Variants in RARB observed in about 807,000 individuals in gnomAD.
RARB encodes the protein HBV-activated protein.
In RARB, 17 loss-of-function variants were observed where a neutral mutation model predicts 51.9. The observed-to-expected ratio is 0.33, with a 90% CI of 0.22 to 0.49. The LOEUF is 0.49. Ranked by LOEUF, RARB falls within the 20% of genes least tolerant of loss-of-function variation. RARB has a pLI of 0.99. For synonymous variants in RARB, 215 were observed against 195.4 expected (o/e 1.10, Z -0.84); for missense variants, 369 against 550.8 (o/e 0.67, Z 3.30).
chr3:25,493,289 A>C (rs969220618), intron 2 of RARB, among the ~76,000 whole-genome samples: 1 of 152,102 alleles, frequency 6.6e-6, no homozygotes, highest in African/African-American at 2.4e-5. Context: ...AAATTTTGCT[A>C]TGAATAACTT....
chr3:25,306,502 T>TAA (rs879672866), intron 5 of RARB, among the ~76,000 whole-genome samples: 2 of 142,702 alleles, frequency 1.4e-5, no homozygotes, highest in East Asian at 2.0e-4. Context: ...ATTCATTCTT[T>TAA]AAAAAAAAAA....
intron 5 of RARB, among the ~76,000 whole-genome samples, chr3:25,588,491 A>G (rs960567791): frequency 2.6e-5 from 4 of 152,198 alleles, no homozygotes; most frequent in Non-Finnish European, 5.9e-5. Context: ...AGCTCCAGGC[A>G]TGTGTGCTAT....
chr3:25,447,601 A>C (rs1293857442), intron 1 of RARB, among the ~76,000 whole-genome samples: 3 of 152,164 alleles, frequency 2.0e-5, no homozygotes, highest in Non-Finnish European at 4.4e-5. Flanking sequence ...TTGGGTTTTG[A>C]ACAGCAATTG....
intron 1 of RARB, among the ~76,000 whole-genome samples, chr3:24,846,299 A>T (rs181049018): frequency 7.2e-5 from 11 of 152,352 alleles, no homozygotes; most frequent in African/African-American, 2.6e-4. Context: ...ATTAAATAAG[A>T]TAAGGAATGT....
At chr3:25,362,329 G>A (rs760207179) in intron 5 of RARB, among the ~76,000 whole-genome samples, 34 of 152,220 alleles carry the variant, frequency 2.2e-4, no homozygotes, top group South Asian at 8.3e-4. Context: ...AATGGTGGAC[G>A]CCCCTCCCCC....
intron 3 of RARB, among the ~76,000 whole-genome samples, chr3:25,120,343 C>T (rs1699762720): frequency 6.6e-6 from 1 of 152,084 alleles, no homozygotes; most frequent in South Asian, 2.1e-4. Flanking sequence ...GATCCAGTGA[C>T]TTGTTACCAT....
At chr3:25,247,802 T>C (rs566173851) in intron 5 of RARB, among the ~76,000 whole-genome samples, 1 of 152,262 alleles carries the variant, frequency 6.6e-6, no homozygotes, top group South Asian at 2.1e-4. Context: ...TGTCTTAACA[T>C]ATCTATTCTG....
chr3:25,096,728 A>T (rs926259988), intron 3 of RARB, among the ~76,000 whole-genome samples: 6 of 152,068 alleles, frequency 3.9e-5, no homozygotes, highest in African/African-American at 1.4e-4. Context: ...CTAGTATCTC[A>T]AGATGATTAA....
At chr3:25,588,410 TG>T (rs1470298594) in intron 5 of RARB, among the ~76,000 whole-genome samples, 1 of 152,208 alleles carries the variant, frequency 6.6e-6, no homozygotes, top group Non-Finnish European at 1.5e-5. Flanking sequence ...ATTCATATCT[TG>T]ATCTAGGTAG....
At chr3:25,237,570 A>G (rs1443730249) in intron 5 of RARB, among the ~76,000 whole-genome samples, 1 of 152,186 alleles carries the variant, frequency 6.6e-6, no homozygotes, top group Non-Finnish European at 1.5e-5. Context: ...CTTTCTGAAA[A>G]TAACAGCTTT....
chr3:25,109,808 A>C (rs1325004753), intron 3 of RARB, among the ~76,000 whole-genome samples: 1 of 152,164 alleles, frequency 6.6e-6, no homozygotes, highest in African/African-American at 2.4e-5. Context: ...ATTCCAAGTT[A>C]GAATTTTTCC....
chr3:24,971,772 A>C (rs1206244321), intron 2 of RARB, among the ~76,000 whole-genome samples: 3 of 152,008 alleles, frequency 2.0e-5, no homozygotes, highest in African/African-American at 7.2e-5. Context: ...TTGGTGTATA[A>C]AATACAAAAT....
intron 3 of RARB, among the ~76,000 whole-genome samples, chr3:25,501,564 C>CTA (rs1697317652): frequency 6.6e-6 from 1 of 152,176 alleles, no homozygotes. Context: ...AAAGCAGTGG[C>CTA]TAACTCACTG....
intron 5 of RARB, among the ~76,000 whole-genome samples, chr3:25,330,776 G>A (rs139672375): frequency 0.031 from 4,694 of 152,192 alleles, 155 homozygotes; most frequent in East Asian, 0.094. Context: ...CCCATCTCAC[G>A]TGCAGAGACA....
intron 5 of RARB, among the ~76,000 whole-genome samples, chr3:25,279,386 G>T (rs1459938247): frequency 1.3e-5 from 2 of 152,126 alleles, no homozygotes; most frequent in Non-Finnish European, 2.9e-5. Flanking sequence ...AGCATAATGG[G>T]TGCTTAATGT....
chr3:24,972,726 A>G (rs1384300747), intron 2 of RARB, among the ~76,000 whole-genome samples: 2 of 151,888 alleles, frequency 1.3e-5, no homozygotes. Context: ...TTTGACTTGC[A>G]TTTTTTGGAT....
intron 3 of RARB, among the ~76,000 whole-genome samples, chr3:25,130,914 AT>A (rs938637976): frequency 4.0e-5 from 1 of 24,892 alleles, no homozygotes; most frequent in Non-Finnish European, 8.1e-5. Context: ...TATTGATAAT[AT>A]TATCAATATT....
intron 3 of RARB, among the ~76,000 whole-genome samples, chr3:25,504,733 C>T (rs1016478400): frequency 2.0e-5 from 3 of 150,320 alleles, no homozygotes; most frequent in Non-Finnish European, 4.4e-5. Flanking sequence ...GCTAACTGGA[C>T]AGGGTATTTT....
upstream of RARB, among the ~76,000 whole-genome samples, chr3:25,427,883 C>T (rs1022446396): frequency 6.6e-6 from 1 of 151,682 alleles, no homozygotes; most frequent in African/African-American, 2.4e-5. Flanking sequence ...GGGGGCGAGG[C>T]GGTGGGCGGG....
Sources: allele counts gnomAD v4.1 joint callset (sites outside exome capture counted in the v4.1 genomes callset), GRCh38; gene constraint gnomAD v4.1.1; transcripts MANE v1.5; gene names NCBI Gene and HGNC (gene_info 2026-07-23, HGNC 2026-07-21).